Variants in ARHGAP10 observed in about 807,000 individuals in gnomAD.
The protein encoded by ARHGAP10 is rho GTPase-activating protein 10.
ARHGAP10 carries 87 observed loss-of-function variants against 108.6 expected under a neutral mutation model. That is an observed-to-expected ratio of 0.80 (90% CI 0.67 to 0.96). The LOEUF is 0.96. ARHGAP10 is among the 40% of genes least tolerant of loss of function. The pLI is 0.00. For synonymous variants in ARHGAP10, 347 were observed against 341.1 expected (o/e 1.02, Z -0.19); for missense variants, 939 against 954.5 (o/e 0.98, Z 0.21).
chr4:147,757,337 G>A (rs1248712688), intron 1 of ARHGAP10, among the ~76,000 whole-genome samples: 2 of 152,078 alleles, frequency 1.3e-5, no homozygotes, highest in Non-Finnish European at 2.9e-5. Context: ...GGGACTACAG[G>A]CGTATGCCGC....
rs1000098676 is a variant in ARHGAP10 at position 147,743,580 on chromosome 4, C to T, written c.154+11125C>T. ...ATCACCTGAGGTCGGGAGTTGGAGA[C>T]CAGCCTGACAAACATGGAGAAACCA... On this transcript the variant is annotated intron_variant, in intron 1 of 22. Coordinates refer to ENST00000336498, the MANE Select transcript of ARHGAP10 (RefSeq NM_024605.4). Among the ~76,000 whole-genome samples, 7 of 152,020 alleles carry T rather than the reference C, an allele frequency of 4.6e-5. No individual in the cohort carries two copies. The East Asian group carries it at 1.2e-3, about 25-fold the overall frequency.
At chr4:148,026,983 C>T (rs1172345401) in intron 19 of ARHGAP10, among the ~76,000 whole-genome samples, 1 of 152,180 alleles carries the variant, frequency 6.6e-6, no homozygotes, top group African/African-American at 2.4e-5. Context: ...TCCTTACAAT[C>T]TCTTACATAA....
At chr4:147,971,625 A>AGAG (rs889474414) in intron 18 of ARHGAP10, among the ~76,000 whole-genome samples, 3 of 152,160 alleles carry the variant, frequency 2.0e-5, no homozygotes, top group Non-Finnish European at 4.4e-5. Context: ...AGAAACACAG[A>AGAG]GAGGAGGTAC....
intron 1 of ARHGAP10, among the ~76,000 whole-genome samples, chr4:147,781,423 A>G (rs944530651): frequency 6.6e-6 from 1 of 152,216 alleles, no homozygotes; most frequent in Non-Finnish European, 1.5e-5. Context: ...CACCCTACAT[A>G]TGGGGAATAT....
At chr4:147,860,951 G>GTA (rs1248223377) in intron 5 of ARHGAP10, 1 of 152,246 alleles carries the variant, frequency 6.6e-6, no homozygotes, top group Non-Finnish European at 1.5e-5. Context: ...TGGCATTCTT[G>GTA]TAAGTGAGGG....
chr4:147,968,471 A>C (rs1739285179), intron 18 of ARHGAP10, among the ~76,000 whole-genome samples: 1 of 152,238 alleles, frequency 6.6e-6, no homozygotes, highest in Non-Finnish European at 1.5e-5. Context: ...AGATAAATGC[A>C]CATAAATCCT....
At chr4:147,818,293 C>T (rs917858263) in intron 1 of ARHGAP10, among the ~76,000 whole-genome samples, 19 of 151,840 alleles carry the variant, frequency 1.3e-4, no homozygotes, top group African/African-American at 4.4e-4. Flanking sequence ...AGGCTGGGCG[C>T]GGTGGCTCAC....
At chr4:147,975,628 C>T (rs1197682641) in intron 18 of ARHGAP10, among the ~76,000 whole-genome samples, 1 of 152,096 alleles carries the variant, frequency 6.6e-6, no homozygotes, top group African/African-American at 2.4e-5. Flanking sequence ...TGAGTGAGGG[C>T]CAAACTTGCT....
intron 8 of ARHGAP10, 24 bp from the exon 9 acceptor site, chr4:147,879,208 T>C (rs1435684432): frequency 6.3e-7 from 1 of 1,595,514 alleles, no homozygotes; most frequent in East Asian, 2.2e-5. Flanking sequence ...AGGGAAAATA[T>C]AAAGGGCTGT....
intron 10 of ARHGAP10, among the ~76,000 whole-genome samples, chr4:147,900,963 T>G (rs1168895175): frequency 1.3e-5 from 2 of 152,190 alleles, no homozygotes; most frequent in African/African-American, 4.8e-5. Flanking sequence ...AATAATCCAA[T>G]ATACTTTGCA....
rs539179259 is a variant in ARHGAP10 at position 147,945,290 on chromosome 4, C to A, written c.1304-1327C>A. Among the ~76,000 whole-genome samples the A allele has an allele frequency of 5.4e-5, 8 of 149,372 alleles. No homozygotes were observed. In the South Asian group the frequency reaches 1.7e-3, roughly 32 times the overall value. ...CACAATTTACTAACTCTCCCATCTC[C>A]TTTTTTTTTTCCTGGTGCCATATAC... On this transcript the variant is annotated intron_variant, in intron 14 of 22. Coordinates refer to ENST00000336498, the MANE Select transcript of ARHGAP10 (RefSeq NM_024605.4).
intron 7 of ARHGAP10, among the ~76,000 whole-genome samples, chr4:147,873,722 A>ACACACACACACTCT (rs775092505): frequency 2.1e-5 from 3 of 144,340 alleles, no homozygotes; most frequent in African/African-American, 7.8e-5. Flanking sequence ...ACACACACAC[A>ACACACACACACTCT]CTCTTGGCCT....
intron 1 of ARHGAP10, among the ~76,000 whole-genome samples, chr4:147,811,323 A>T (rs1035151173): frequency 6.6e-6 from 1 of 152,244 alleles, no homozygotes. Context: ...CTTCTGAAAT[A>T]AGTGTAGAAC....
intron 18 of ARHGAP10, among the ~76,000 whole-genome samples, chr4:147,979,174 T>G (rs945328421): frequency 1.3e-5 from 2 of 152,244 alleles, no homozygotes; most frequent in Non-Finnish European, 2.9e-5. Flanking sequence ...CTAGAATTTT[T>G]AGAGTTTGAA....
At chr4:148,039,762 G>GATTTTC (rs2149675504) in intron 19 of ARHGAP10, among the ~76,000 whole-genome samples, 1 of 152,004 alleles carries the variant, frequency 6.6e-6, no homozygotes, top group South Asian at 2.1e-4. Flanking sequence ...TTACGTGCAG[G>GATTTTC]ATTTTCCTTA....
intron 18 of ARHGAP10, among the ~76,000 whole-genome samples, chr4:147,976,973 A>C: frequency 6.6e-6 from 1 of 152,324 alleles, no homozygotes; most frequent in East Asian, 1.9e-4. Context: ...AGAAAGAAGA[A>C]CTTCGTAATA....
At chr4:147,738,666 T>A (rs1728530160) in intron 1 of ARHGAP10, among the ~76,000 whole-genome samples, 1 of 152,166 alleles carries the variant, frequency 6.6e-6, no homozygotes, top group African/African-American at 2.4e-5. Flanking sequence ...TATGATGACA[T>A]AACTAAATTA....
Position 148,063,246 on chromosome 4 carries a change from C to T in ARHGAP10, c.2126C>T (p.Ser709Leu), listed in dbSNP as rs143431621. ...NSAVTPLSPG[S>L]SPFPFSPPAT... ...GCTGTGACACCTCTTTCACCCGGGTCGTCCCCTTTCCCCTTTTCTCCTCCT... is the reference window on the plus strand; with the variant it reads ...GCTGTGACACCTCTTTCACCCGGGTTGTCCCCTTTCCCCTTTTCTCCTCCT... Residue 709 changes from serine (S) to leucine (L), a missense_variant, in exon 21 of 23, where the codon TCG becomes TTG. Coordinates refer to ENST00000336498, the MANE Select transcript of ARHGAP10 (RefSeq NM_024605.4). 7.4e-6 allele frequency: 12 copies of T among 1,614,056 alleles called. No individual in the cohort carries two copies. The highest frequency in any genetic ancestry group is 4.5e-5 in the East Asian group (2 of 44,896).
intron 1 of ARHGAP10, among the ~76,000 whole-genome samples, chr4:147,733,470 C>T (rs1188768838): frequency 6.6e-6 from 1 of 152,116 alleles, no homozygotes; most frequent in African/African-American, 2.4e-5. Context: ...TGGGCAGTAT[C>T]CAGCCTTGAG....
Sources: allele counts gnomAD v4.1 joint callset (sites outside exome capture counted in the v4.1 genomes callset), GRCh38; gene constraint gnomAD v4.1.1; transcripts MANE v1.5; gene names NCBI Gene and HGNC (gene_info 2026-07-23, HGNC 2026-07-21).